ARID3A: variants seen among roughly 807,000 people sequenced by gnomAD.
ARID3A encodes the protein AT-rich interaction domain 3A, also known as AT-rich interactive domain-containing protein 3A.
A neutral mutation model predicts 52.7 loss-of-function variants in ARID3A; 11 were observed. The ratio of observed to expected loss-of-function variants is 0.21; its 90% CI spans 0.13 to 0.35. ARID3A has a LOEUF of 0.35. ARID3A is among the 10% of genes least tolerant of loss of function. ARID3A has a pLI of 1.00. For missense variants in ARID3A, 721 were observed against 838.5 expected, an observed-to-expected ratio of 0.86 and a Z score of 1.73; for synonymous variants, 404 against 359.4, an observed-to-expected ratio of 1.12 and a Z score of -1.40.
Position 929,881 on chromosome 19 carries a change from C to G in ARID3A, c.353C>G (p.Ala118Gly). 1 of 1,542,074 alleles carries G rather than the reference C, an allele frequency of 6.5e-7. No individual in the cohort carries two copies. Among genetic ancestry groups the G allele is most frequent in the Non-Finnish European group, 8.7e-7 (1 of 1,146,846 alleles). The change falls in exon 2 of 9, where the codon GCC becomes GGC. Residue 118 changes from alanine (A) to glycine (G), a missense_variant. Physicochemically the swap from Ala to Gly is moderately conservative, Grantham distance 60. Transcript: ENST00000263620. The surrounding 1 kb of genome is among the most constrained non-coding windows in gnomAD (Gnocchi z 6.2). The part of the protein sequence containing the change: ...GPGEEHFEDM[A>G]SDEDMKPKWE... ...GGAGAGGAGCACTTTGAGGACATGG[C>G]CTCCGACGAGGACATGTGAGTTGGG...
chr19:965,155 T>C, intron 6 of ARID3A, 75 bp downstream of exon 6: 2 of 1,453,534 alleles, frequency 1.4e-6, no homozygotes, highest in Non-Finnish European at 1.8e-6. Context: ...GGGGGATACC[T>C]CTTCCCCTCT....
At chr19:958,627 C>T (rs2037973555) in intron 3 of ARID3A, among the ~76,000 whole-genome samples, 1 of 152,086 alleles carries the variant, frequency 6.6e-6, no homozygotes, top group Admixed American at 6.6e-5. Flanking sequence ...TTTCTAGTGG[C>T]TCACGCCTGT....
chr19:932,395 C>T (rs2037350465), intron 2 of ARID3A, 23 bp from the exon 3 acceptor site: 3 of 1,592,702 alleles, frequency 1.9e-6, no homozygotes, highest in South Asian at 2.3e-5. Flanking sequence ...TCTCCCCTGA[C>T]TCCTGCCCTC....
Position 929,481 on chromosome 19 carries a change from C to CGTG in ARID3A, c.-19_-17dup, listed in dbSNP as rs533720923. ...GCCCCCGCCGCCCACCCCTAGCGCC[C>CGTG]GTGGTGGTGGTGGTGGTGGTGGTGG... On this transcript the variant is annotated 5_prime_UTR_variant, in exon 2 of 9. Transcript: ENST00000263620. This position sits in a 1 kb window ranked among gnomAD's most constrained non-coding sequence, Gnocchi z 6.2. 0.011 allele frequency: 15,584 copies of CGTG among 1,392,406 alleles called. 44 individuals carry two copies. The highest frequency in any genetic ancestry group is 0.023 in the African/African-American group (1,507 of 66,084). 86.3% of individuals were successfully genotyped at this position (1,392,406 alleles called of 1,614,324 possible).
At chr19:939,774 T>C (rs1253640049) in intron 3 of ARID3A, among the ~76,000 whole-genome samples, 1 of 152,170 alleles carries the variant, frequency 6.6e-6, no homozygotes, top group African/African-American at 2.4e-5. Flanking sequence ...CCCTCGGTCA[T>C]TTCCCTGTTG....
At chr19:962,784 G>A (rs1028959806) in intron 4 of ARID3A, among the ~76,000 whole-genome samples, 43 of 152,120 alleles carry the variant, frequency 2.8e-4, no homozygotes, top group African/African-American at 1.0e-3. Context: ...CAAAGTGCTG[G>A]AATGACAGGC....
intron 3 of ARID3A, among the ~76,000 whole-genome samples, chr19:958,901 A>G (rs1315491459): frequency 6.6e-6 from 1 of 152,160 alleles, no homozygotes; most frequent in African/African-American, 2.4e-5. Context: ...AAAAAAAAAA[A>G]ATTCCATATT....
rs553416350 is a variant in ARID3A at position 959,210 on chromosome 19, G to A, written c.694-882G>A. Among the ~76,000 whole-genome samples, 15 of 152,262 alleles carry A rather than the reference G, an allele frequency of 9.9e-5. No individual in the cohort carries two copies. The highest frequency in any genetic ancestry group is 5.8e-4 in the East Asian group (3 of 5,174). The stretch of plus-strand genomic sequence containing the variant: ...CAGGAACCTGGAGCCCCCAGAAGCC[G>A]TGAGAGGCAGGAAGGTTCCTCCCTT... On this transcript the variant is annotated intron_variant, in intron 3 of 8. Transcript: ENST00000263620. The surrounding 1 kb of genome is among the most constrained non-coding windows in gnomAD (Gnocchi z 5.0).
At position 944,353 on chromosome 19, in the gene ARID3A, C is replaced by T. The variant is rs11673693; in HGVS notation, c.693+11611C>T. Among the ~76,000 whole-genome samples, 5,139 of 140,518 alleles carry T rather than the reference C, an allele frequency of 0.037. 129 individuals are homozygous for T. Among genetic ancestry groups the T allele is most frequent in the Admixed American group, 0.098 (1,331 of 13,530 alleles). 92.2% of individuals were successfully genotyped at this position (140,518 alleles called of 152,430 possible). The stretch of plus-strand genomic sequence containing the variant: ...GTGTGTGTGTGTGTGTGTGTGTCTG[C>T]GTGGGAGTGTCTGGCTGTGTGGCTG... On this transcript the variant is annotated intron_variant, in intron 3 of 8. Coordinates refer to ENST00000263620, the MANE Select transcript of ARID3A (RefSeq NM_005224.3). This position sits in a 1 kb window ranked among gnomAD's most constrained non-coding sequence, Gnocchi z 5.9.
intron 3 of ARID3A, among the ~76,000 whole-genome samples, chr19:934,254 T>G (rs1243984301): frequency 6.6e-6 from 1 of 151,930 alleles, no homozygotes. Context: ...CAGAGGTGAA[T>G]GGGACCCCCT....
rs770639214 is a variant in ARID3A, at chr19:966,723, G to T, written c.1350G>T (p.Arg450=). ...AGGCAGCTGCCCTGGAACAGCTGCG[G>T]GAGAAGCTGGAGTCTGCAGAGCCTC... ...AAQAAALEQL[R]EKLESAEPPE... Residue 450 remains arginine (R), a synonymous_variant, in exon 7 of 9, where the codon CGG becomes CGT. Transcript: ENST00000263620. 1.9e-6 allele frequency: 3 copies of T among 1,612,538 alleles called. No individual in the cohort carries two copies. The highest frequency in any genetic ancestry group is 2.5e-6 in the Non-Finnish European group (3 of 1,179,758).
chr19:942,204 C>A lies in ARID3A; in HGVS notation c.693+9462C>A, dbSNP rs1019759546. ...CTCTCCGACCCCGAGGAGCTGCCGG[C>A]AGAGCCCTGTCCACTCTTGCCTCAG... On this transcript the variant is annotated intron_variant, in intron 3 of 8. Coordinates refer to ENST00000263620, the MANE Select transcript of ARID3A (RefSeq NM_005224.3). The surrounding 1 kb of genome is among the most constrained non-coding windows in gnomAD (Gnocchi z 8.1). 2.6e-5 allele frequency among the ~76,000 whole-genome samples: 4 copies of A among 152,162 alleles called. No individual in the cohort carries two copies. Among genetic ancestry groups the A allele is most frequent in the Admixed American group, 6.5e-5 (1 of 15,290 alleles).
intron 8 of ARID3A, among the ~76,000 whole-genome samples, chr19:970,705 C>G (rs2038260724): frequency 6.6e-6 from 1 of 151,818 alleles, no homozygotes; most frequent in Non-Finnish European, 1.5e-5. Context: ...GAACTCCTGA[C>G]TTCGTGATCT....
chr19:947,206 C>T lies in ARID3A; in HGVS notation c.694-12886C>T, dbSNP rs1396732435. ...GGCACCCCCTGCCGTCAGCCCAGAT[C>T]TGTGTCTGTGTCTGCATCTGTGAAA... On this transcript the variant is annotated intron_variant, in intron 3 of 8. Transcript: ENST00000263620. This position sits in a 1 kb window ranked among gnomAD's most constrained non-coding sequence, Gnocchi z 6.3. 6.6e-6 allele frequency among the ~76,000 whole-genome samples: 1 copy of T among 152,298 alleles called. No homozygotes were observed. The highest frequency in any genetic ancestry group is 2.1e-4 in the South Asian group (1 of 4,828).
rs1278823899 is a variant in ARID3A at position 974,298 on chromosome 19, G to A, written c.*2233G>A. The A allele has an allele frequency of 4.4e-6, 1 of 228,466 alleles. No homozygotes were observed. The highest frequency in any genetic ancestry group is 2.2e-5 in the African/African-American group (1 of 45,018). 14.2% of individuals were successfully genotyped at this position (228,466 alleles called of 1,614,324 possible). A position where few individuals can be genotyped will look rare whatever the true frequency, so the allele number is the denominator to read the frequency against. On this transcript the variant is annotated 3_prime_UTR_variant, in exon 9 of 9. Coordinates refer to ENST00000263620, the MANE Select transcript of ARID3A (RefSeq NM_005224.3). ...ACACACACCCCCTTTCCAGGAGGGGGTGGTGGGCGTCTAGGTTTTCCTTGT... is the reference window on the plus strand; with the variant it reads ...ACACACACCCCCTTTCCAGGAGGGGATGGTGGGCGTCTAGGTTTTCCTTGT...
At chr19:931,309 C>T (rs899715218) in intron 2 of ARID3A, among the ~76,000 whole-genome samples, 11 of 151,146 alleles carry the variant, frequency 7.3e-5, no homozygotes, top group African/African-American at 1.2e-4. Context: ...CAAAACTGGC[C>T]GGGTGCAGTG....
intron 3 of ARID3A, among the ~76,000 whole-genome samples, chr19:943,755 G>A (rs746485268): frequency 8.5e-5 from 13 of 152,184 alleles, no homozygotes; most frequent in Non-Finnish European, 1.6e-4. Context: ...TCAGACTTGT[G>A]GAGAGAAGAA....
Position 975,582 on chromosome 19 carries a change from A to G in ARID3A, c.*3517A>G, listed in dbSNP as rs1354396065. The G allele has an allele frequency of 5.1e-6, 1 of 195,092 alleles. No homozygotes were observed. The highest frequency in any genetic ancestry group is 2.3e-5 in the African/African-American group (1 of 42,924). 12.1% of individuals were successfully genotyped at this position (195,092 alleles called of 1,614,324 possible). A position where few individuals can be genotyped will look rare whatever the true frequency, so the allele number is the denominator to read the frequency against. Reference sequence around the variant, plus strand: ...GGCGTGGGAACCACGCCTGAAACTCAGGTAATAGGAGGAAAAAAAAAAAAA... The same window carrying G: ...GGCGTGGGAACCACGCCTGAAACTCGGGTAATAGGAGGAAAAAAAAAAAAA... On this transcript the variant is annotated 3_prime_UTR_variant, in exon 9 of 9. Transcript: ENST00000263620.
intron 3 of ARID3A, among the ~76,000 whole-genome samples, chr19:958,322 AGAGGCT>A (rs1265891553): frequency 1.4e-5 from 2 of 144,796 alleles, no homozygotes; most frequent in Non-Finnish European, 3.0e-5. Flanking sequence ...AGCTACTCCA[AGAGGCT>A]GAGGCAGGAG....
Sources: allele counts gnomAD v4.1 joint callset (sites outside exome capture counted in the v4.1 genomes callset), GRCh38; gene constraint gnomAD v4.1.1; non-coding constraint Gnocchi (gnomAD v3.1); transcripts MANE v1.5; gene names NCBI Gene and HGNC (gene_info 2026-07-23, HGNC 2026-07-21).